The following GLRA1 variants were observed in gnomAD, a reference collection of about 807,000 sequenced individuals.
The protein encoded by GLRA1 is glycine receptor subunit alpha-1.
In GLRA1, 37 loss-of-function variants were observed where a neutral mutation model predicts 48.3. The ratio of observed to expected loss-of-function variants is 0.77; its 90% CI spans 0.59 to 1.01. GLRA1 has a LOEUF of 1.01. Ranked by LOEUF, GLRA1 falls within the 50% of genes least tolerant of loss-of-function variation. The probability of loss-of-function intolerance (pLI) is 0.00; values close to 1 mark genes in which losing one functional copy is unlikely to be tolerated. For synonymous variants in GLRA1, 196 were observed against 210.7 expected, an observed-to-expected ratio of 0.93 and a Z score of 0.60; for missense variants, 427 against 571.0, an observed-to-expected ratio of 0.75 and a Z score of 2.57.
intron 7 of GLRA1, among the ~76,000 whole-genome samples, chr5:151,841,967 GA>G (rs1763720785): frequency 6.6e-6 from 1 of 151,062 alleles, no homozygotes; most frequent in Non-Finnish European, 1.5e-5. Context: ...TGAGGCAGGA[GA>G]ATTGCTTGAA....
chr5:151,880,771 T>G (rs974314171), intron 3 of GLRA1, among the ~76,000 whole-genome samples: 4 of 152,240 alleles, frequency 2.6e-5, no homozygotes, highest in East Asian at 3.8e-4. Flanking sequence ...ACATTCACAT[T>G]CACATGCACA....
intron 8 of GLRA1, among the ~76,000 whole-genome samples, chr5:151,825,364 C>T (rs1030825504): frequency 1.3e-5 from 2 of 152,104 alleles, no homozygotes; most frequent in Non-Finnish European, 2.9e-5. Flanking sequence ...ACCAAATTAA[C>T]TTTTTATGCT....
intron 7 of GLRA1, among the ~76,000 whole-genome samples, chr5:151,846,553 G>A (rs928572237): frequency 6.6e-6 from 1 of 152,196 alleles, no homozygotes; most frequent in Non-Finnish European, 1.5e-5. Flanking sequence ...GCATATTGTC[G>A]AGTTTTGTTC....
intron 1 of GLRA1, among the ~76,000 whole-genome samples, chr5:151,920,920 G>A (rs923024149): frequency 5.9e-5 from 9 of 152,308 alleles, no homozygotes; most frequent in African/African-American, 2.2e-4. Flanking sequence ...TCAAGGAAAA[G>A]CCCATTCACC....
chr5:151,856,461 A>G, intron 4 of GLRA1, 78 bp from the exon 5 acceptor site: 1 of 933,970 alleles, frequency 1.1e-6, no homozygotes, highest in Non-Finnish European at 1.8e-6. Flanking sequence ...TTATTGTTAG[A>G]AAATCAGTTG....
chr5:151,906,132 T>A (rs1327015266), intron 1 of GLRA1, among the ~76,000 whole-genome samples: 1 of 152,206 alleles, frequency 6.6e-6, no homozygotes, highest in African/African-American at 2.4e-5. Flanking sequence ...ATTTGTTTCC[T>A]TATCAGTAAA....
intron 3 of GLRA1, among the ~76,000 whole-genome samples, chr5:151,868,600 A>G (rs1753397316): frequency 6.6e-6 from 1 of 152,222 alleles, no homozygotes; most frequent in African/African-American, 2.4e-5. Flanking sequence ...TATCCCAGAT[A>G]TGAATTGAGT....
At chr5:151,907,701 A>G (rs945851844) in intron 1 of GLRA1, among the ~76,000 whole-genome samples, 4 of 152,236 alleles carry the variant, frequency 2.6e-5, no homozygotes, top group African/African-American at 9.6e-5. Context: ...TGGCCCAGAC[A>G]GTTGTGAAAA....
intron 7 of GLRA1, among the ~76,000 whole-genome samples, chr5:151,839,545 A>G (rs1349212077): frequency 6.6e-6 from 1 of 152,156 alleles, no homozygotes; most frequent in Non-Finnish European, 1.5e-5. Context: ...GTTTGTTATG[A>G]ACTGAATATT....
intron 7 of GLRA1, among the ~76,000 whole-genome samples, chr5:151,832,825 C>A (rs916851074): frequency 6.6e-6 from 1 of 152,014 alleles, no homozygotes; most frequent in African/African-American, 2.4e-5. Flanking sequence ...CTCGAGAAGA[C>A]CAACCGCAAG....
At chr5:151,878,721 G>A (rs1231325296) in intron 3 of GLRA1, among the ~76,000 whole-genome samples, 1 of 152,196 alleles carries the variant, frequency 6.6e-6, no homozygotes, top group Non-Finnish European at 1.5e-5. Flanking sequence ...GAAGCCCCAA[G>A]CCTTGGCAGC....
At chr5:151,837,659 G>C (rs999222257) in intron 7 of GLRA1, among the ~76,000 whole-genome samples, 18 of 152,112 alleles carry the variant, frequency 1.2e-4, no homozygotes, top group African/African-American at 4.3e-4. Flanking sequence ...TGTCCTTTGT[G>C]GGGACATGGA....
intron 3 of GLRA1, among the ~76,000 whole-genome samples, chr5:151,866,580 C>T (rs1398843476): frequency 6.6e-6 from 1 of 152,090 alleles, no homozygotes; most frequent in Admixed American, 6.6e-5. Flanking sequence ...AACAAAAGAA[C>T]CAGATTCTTA....
intron 1 of GLRA1, among the ~76,000 whole-genome samples, chr5:151,919,619 A>T (rs952315362): frequency 1.4e-4 from 21 of 152,234 alleles, no homozygotes; most frequent in African/African-American, 4.8e-4. Context: ...CTGTGCTATC[A>T]TTGGAAGAGA....
chr5:151,831,429 C>G (rs537533692), intron 7 of GLRA1, among the ~76,000 whole-genome samples: 1 of 152,350 alleles, frequency 6.6e-6, no homozygotes, highest in South Asian at 2.1e-4. Context: ...GCACAGCAGT[C>G]TGAAGTTGAC....
At chr5:151,828,715 T>G (rs1445903676) in intron 8 of GLRA1, among the ~76,000 whole-genome samples, 1 of 152,218 alleles carries the variant, frequency 6.6e-6, no homozygotes, top group Non-Finnish European at 1.5e-5. Context: ...CTGTTAGGAT[T>G]CGAAGAGTGA....
intron 7 of GLRA1, 30 bp downstream of exon 7, chr5:151,851,360 T>C (rs368071687): frequency 2.1e-6 from 3 of 1,426,038 alleles, no homozygotes; most frequent in Non-Finnish European, 3.0e-6. Flanking sequence ...TTTGTCCAGG[T>C]GTTCTGTGCT....
intron 7 of GLRA1, among the ~76,000 whole-genome samples, chr5:151,841,788 G>A (rs1763716874): frequency 6.6e-6 from 1 of 152,142 alleles, no homozygotes; most frequent in African/African-American, 2.4e-5. Flanking sequence ...CATTCATGGT[G>A]GCTCATGCCT....
chr5:151,822,788 G>A lies in GLRA1; in HGVS notation c.1235C>T (p.Ala412Val). Residue 412 changes from alanine (A) to valine (V), a missense_variant, in exon 9 of 9, where the codon GCC (alanine) becomes GTC (valine). By Grantham distance (64) the Ala-to-Val change is moderately conservative. This residue lies in a region of GLRA1 where 121 missense variants were observed against 96.5 expected (regional missense o/e 1.25). Transcript: ENST00000274576. Reference protein sequence around the residue: ...EEMRKLFIQRAKKIDKISRIG... With the variant: ...EEMRKLFIQRVKKIDKISRIG... ...GCGGGATATTTTGTCGATCTTCTTG[G>A]CCCTCTGGATGAAGAGTTTTCGCAT... The A allele has an allele frequency of 1.2e-6, 2 of 1,613,954 alleles. No homozygotes were observed. Among genetic ancestry groups the A allele is most frequent in the South Asian group, 1.1e-5 (1 of 91,078 alleles).
Sources: allele counts gnomAD v4.1 joint callset (sites outside exome capture counted in the v4.1 genomes callset), GRCh38; gene constraint gnomAD v4.1.1; regional missense constraint gnomAD v4.1.1; transcripts MANE v1.5; gene names NCBI Gene and HGNC (gene_info 2026-07-23, HGNC 2026-07-21).